ADAMTSL3: variants seen among roughly 807,000 people sequenced by gnomAD.
ADAMTSL3 encodes ADAMTS like 3.
A neutral mutation model predicts 201.7 loss-of-function variants in ADAMTSL3; 128 were observed. The ratio of observed to expected loss-of-function variants is 0.63; its 90% CI spans 0.55 to 0.73. ADAMTSL3 has a LOEUF of 0.73. Among genes scored for constraint, ADAMTSL3 ranks in the 30% least tolerant of loss-of-function variants. The probability of loss-of-function intolerance (pLI) is 0.00; values close to 1 mark genes in which losing one functional copy is unlikely to be tolerated. For missense variants in ADAMTSL3, 1,990 were observed against 2,119.6 expected (o/e 0.94, Z 1.20); for synonymous variants, 738 against 748.4 (o/e 0.99, Z 0.23).
intron 9 of ADAMTSL3, among the ~76,000 whole-genome samples, chr15:83,879,721 A>G (rs1327581884): frequency 6.6e-6 from 1 of 152,204 alleles, no homozygotes; most frequent in South Asian, 2.1e-4. Context: ...ACAATGTTCT[A>G]TGTATGTCAA....
At position 83,856,779 on chromosome 15, in the gene ADAMTSL3, C is replaced by T. The variant is rs545374690; in HGVS notation, c.728-1987C>T. ...TAATGCTGCCATGATCATCAATGTA[C>T]CAATGTCTGTTTGTGTCCCTGCTTT... On this transcript the variant is annotated intron_variant, in intron 7 of 29. Transcript: ENST00000286744. Among the ~76,000 whole-genome samples the T allele has an allele frequency of 7.1e-4, 108 of 152,096 alleles. 1 individual carries two copies. The highest frequency in any genetic ancestry group is 1.2e-3 in the Non-Finnish European group (82 of 68,016).
At chr15:83,690,592 C>A (rs1415207080) in intron 2 of ADAMTSL3, among the ~76,000 whole-genome samples, 11 of 152,158 alleles carry the variant, frequency 7.2e-5, no homozygotes, top group Non-Finnish European at 1.5e-4. Context: ...GCTCCTGTGC[C>A]CCCCTAGCAC....
chr15:83,891,137 T>A (rs533344292), intron 11 of ADAMTSL3, 192 bp from the exon 12 acceptor site: 67 of 529,038 alleles, frequency 1.3e-4, no homozygotes, highest in Non-Finnish European at 2.1e-4. Context: ...ACTGGGGAAT[T>A]TGTGTCGTAG....
chr15:83,667,394 A>G (rs144419941), intron 2 of ADAMTSL3, among the ~76,000 whole-genome samples: 1 of 152,328 alleles, frequency 6.6e-6, no homozygotes, highest in Non-Finnish European at 1.5e-5. Flanking sequence ...GGCATATGGT[A>G]TAATGGAGGA....
intron 4 of ADAMTSL3, among the ~76,000 whole-genome samples, chr15:83,803,676 A>G (rs547021425): frequency 6.6e-6 from 1 of 152,252 alleles, no homozygotes; most frequent in African/African-American, 2.4e-5. Flanking sequence ...CAGTCTCCCA[A>G]AGGAAAACTC....
intron 3 of ADAMTSL3, among the ~76,000 whole-genome samples, chr15:83,757,201 C>T (rs186780652): frequency 1.6e-3 from 242 of 152,368 alleles, no homozygotes; most frequent in Middle Eastern, 6.8e-3. Context: ...TTCCCTTCTT[C>T]ACTGCCCTAG....
chr15:83,855,716 G>C (rs2064717251), intron 7 of ADAMTSL3, among the ~76,000 whole-genome samples: 1 of 152,212 alleles, frequency 6.6e-6, no homozygotes, highest in African/African-American at 2.4e-5. Flanking sequence ...TGCTCAGATT[G>C]TTGCAAGCCT....
intron 2 of ADAMTSL3, among the ~76,000 whole-genome samples, chr15:83,678,797 A>T (rs569115705): frequency 0.013 from 1,838 of 139,250 alleles, 58 homozygotes; most frequent in African/African-American, 0.046. Context: ...ATGTATATAT[A>T]ATATATATTT....
chr15:83,948,411 TACACACACACAC>T (rs72124987), intron 19 of ADAMTSL3, among the ~76,000 whole-genome samples: 9 of 145,630 alleles, frequency 6.2e-5, no homozygotes, highest in East Asian at 4.1e-4. Flanking sequence ...AAAGCTTATT[TACACACACACAC>T]ACACACACAC....
rs116828799 is a variant in ADAMTSL3, at chr15:83,834,046, A to T, written c.601-4043A>T. Among the ~76,000 whole-genome samples, 709 of 152,320 alleles carry T rather than the reference A, an allele frequency of 4.7e-3. 4 individuals are homozygous for T. The highest frequency in any genetic ancestry group is 0.016 in the African/African-American group (651 of 41,570). ...TAGGCTGGGTTTTCCTGCAGTAACC[A>T]ACAACACCCAAAGCTCAGTAGCTTA... On this transcript the variant is annotated intron_variant, in intron 6 of 29. Coordinates refer to ENST00000286744, the MANE Select transcript of ADAMTSL3 (RefSeq NM_207517.3).
At chr15:83,864,229 T>C (rs1448744978) in intron 8 of ADAMTSL3, among the ~76,000 whole-genome samples, 7 of 152,012 alleles carry the variant, frequency 4.6e-5, no homozygotes, top group Admixed American at 1.3e-4. Flanking sequence ...TTCCAATCAA[T>C]AGAAAAAGAG....
intron 9 of ADAMTSL3, among the ~76,000 whole-genome samples, chr15:83,883,636 G>A (rs922317658): frequency 2.0e-5 from 3 of 150,448 alleles, no homozygotes; most frequent in Non-Finnish European, 3.0e-5. Context: ...GCTCACTGTA[G>A]CCTCAAACTC....
intron 14 of ADAMTSL3, among the ~76,000 whole-genome samples, chr15:83,898,943 T>G (rs970504620): frequency 1.3e-5 from 2 of 152,230 alleles, no homozygotes; most frequent in Non-Finnish European, 1.5e-5. Flanking sequence ...CATTGACTAC[T>G]TAACTCCATC....
At chr15:83,798,823 A>C (rs1393857714) in intron 4 of ADAMTSL3, among the ~76,000 whole-genome samples, 13 of 149,966 alleles carry the variant, frequency 8.7e-5, no homozygotes, top group African/African-American at 2.9e-4. Context: ...AAAAAAAAAA[A>C]ACAAAAAAAA....
At chr15:83,970,018 C>A (rs1043557583) in intron 19 of ADAMTSL3, among the ~76,000 whole-genome samples, 2 of 152,028 alleles carry the variant, frequency 1.3e-5, no homozygotes, top group African/African-American at 4.8e-5. Flanking sequence ...AAGCCCAAAC[C>A]CATCACATTG....
intron 8 of ADAMTSL3, among the ~76,000 whole-genome samples, chr15:83,870,537 G>C (rs1201794730): frequency 6.6e-6 from 1 of 152,098 alleles, no homozygotes; most frequent in Non-Finnish European, 1.5e-5. Context: ...AGAAAGAAAA[G>C]TTTTCTCTTT....
At chr15:83,800,295 C>T (rs1195921586) in intron 4 of ADAMTSL3, among the ~76,000 whole-genome samples, 1 of 152,102 alleles carries the variant, frequency 6.6e-6, no homozygotes, top group Admixed American at 6.5e-5. Context: ...CTCTCTTTTT[C>T]ATATCACCAT....
At chr15:83,870,204 G>C (rs543887146) in intron 8 of ADAMTSL3, among the ~76,000 whole-genome samples, 62 of 152,278 alleles carry the variant, frequency 4.1e-4, no homozygotes, top group African/African-American at 1.4e-3. Context: ...GATTGTGGTG[G>C]TGGGTGATAA....
At chr15:83,761,591 C>T (rs2062809324) in intron 3 of ADAMTSL3, among the ~76,000 whole-genome samples, 1 of 152,054 alleles carries the variant, frequency 6.6e-6, no homozygotes, top group Non-Finnish European at 1.5e-5. Flanking sequence ...ATTATCTAGC[C>T]CACCATTCCT....
Sources: allele counts gnomAD v4.1 joint callset (sites outside exome capture counted in the v4.1 genomes callset), GRCh38; gene constraint gnomAD v4.1.1; transcripts MANE v1.5; gene names NCBI Gene and HGNC (gene_info 2026-07-23, HGNC 2026-07-21).